The following PCDHA8 variants were observed in gnomAD, a reference collection of about 807,000 sequenced individuals.
The protein encoded by PCDHA8 is protocadherin alpha 8.
Under a neutral mutation model 61.8 loss-of-function variants are expected in PCDHA8, and 53 were observed. That is an observed-to-expected ratio of 0.86 (90% CI 0.69 to 1.08). The LOEUF (loss-of-function observed/expected upper bound fraction) is 1.08, where lower values mean the gene tolerates loss of function less well. Among genes scored for constraint, PCDHA8 ranks in the 50% least tolerant of loss-of-function variants. PCDHA8 has a pLI of 0.00. For synonymous variants in PCDHA8, 618 were observed against 556.6 expected (o/e 1.11, Z -1.55); for missense variants, 1,293 against 1,245.0 (o/e 1.04, Z -0.58).
chr5:141,000,389 C>A (rs868958582), intron 3 of PCDHA8, among the ~76,000 whole-genome samples: 168 of 62,538 alleles, frequency 2.7e-3, no homozygotes, highest in Non-Finnish European at 3.7e-3. Flanking sequence ...CTCTCTCTCT[C>A]TCTCTCTATA....
chr5:140,843,360 C>T lies in PCDHA8; in HGVS notation c.2039C>T (p.Ser680Leu), dbSNP rs2150358233. ...AGCGGCCAGGCTCCAAAAGCGTCAT[C>T]GAGGCAGTCGGCTGGCGTTTTGGGT... is the stretch of plus-strand genomic sequence containing the variant. ...VESGQAPKAS[S>L]RQSAGVLGPE... Residue 680 changes from serine to leucine, a missense_variant, in exon 1 of 4, where the codon TCG becomes TTG. Transcript: ENST00000531613. 3.1e-6 allele frequency: 5 copies of T among 1,595,970 alleles called. No individual in the cohort carries two copies. Among genetic ancestry groups the T allele is most frequent in the East Asian group, 2.2e-5 (1 of 44,828 alleles).
At chr5:140,948,773 G>A (rs991446033) in intron 1 of PCDHA8, among the ~76,000 whole-genome samples, 12 of 151,352 alleles carry the variant, frequency 7.9e-5, no homozygotes, top group Non-Finnish European at 1.6e-4. Context: ...CGAATAGCCA[G>A]CTTTTGGCTT....
intron 3 of PCDHA8, among the ~76,000 whole-genome samples, chr5:141,002,270 G>T (rs1304168184): frequency 6.6e-6 from 1 of 152,172 alleles, no homozygotes; most frequent in Non-Finnish European, 1.5e-5. Context: ...CCCAGAGCTG[G>T]TAACAAAGGG....
At chr5:140,931,947 T>C (rs782000891) in intron 1 of PCDHA8, among the ~76,000 whole-genome samples, 1 of 151,972 alleles carries the variant, frequency 6.6e-6, no homozygotes, top group Non-Finnish European at 1.5e-5. Context: ...GTCTGAGTCT[T>C]ACAGAATCAT....
rs562713934 is a variant in PCDHA8, at chr5:140,967,172, G to A, written c.2395-11777G>A. 1.1e-5 allele frequency: 17 copies of A among 1,612,080 alleles called. No individual in the cohort carries two copies. The highest frequency in any genetic ancestry group is 2.2e-5 in the East Asian group (1 of 44,778). On this transcript the variant is annotated intron_variant, in intron 1 of 3. Coordinates refer to ENST00000531613, the MANE Select transcript of PCDHA8 (RefSeq NM_018911.3). ...CCCCGTGGCGGTGAGCGCCGTTGAG[G>A]TGGAAATATTGGACATCAACGACAA...
intron 3 of PCDHA8, among the ~76,000 whole-genome samples, chr5:140,999,452 G>A (rs141442204): frequency 6.4e-4 from 97 of 152,234 alleles, no homozygotes; most frequent in African/African-American, 2.1e-3. Flanking sequence ...TTCGTTCAAC[G>A]AATAAGTGGT....
chr5:140,887,025 T>G (rs1352119867), intron 1 of PCDHA8, among the ~76,000 whole-genome samples: 3 of 152,076 alleles, frequency 2.0e-5, no homozygotes, highest in Non-Finnish European at 4.4e-5. Context: ...CCTGAAAAAT[T>G]TCTTTAATAT....
intron 1 of PCDHA8, among the ~76,000 whole-genome samples, chr5:140,937,621 GAAAA>G (rs1276369305): frequency 1.4e-5 from 2 of 142,038 alleles, no homozygotes; most frequent in Non-Finnish European, 3.1e-5. Context: ...CATCTAAAAA[GAAAA>G]AGAAAGGCAG....
chr5:140,966,924 C>T (rs1554228895), intron 1 of PCDHA8: 2 of 1,602,624 alleles, frequency 1.2e-6, no homozygotes, highest in Admixed American at 1.7e-5. Context: ...GAGGAGCAGG[C>T]ACCCGGCGCG....
At chr5:140,905,036 T>A (rs2071554831) in intron 1 of PCDHA8, among the ~76,000 whole-genome samples, 1 of 152,222 alleles carries the variant, frequency 6.6e-6, no homozygotes, top group Non-Finnish European at 1.5e-5. Flanking sequence ...AGCTTTTTAG[T>A]TTAATTAGGT....
chr5:140,973,178 G>A (rs188308697), intron 1 of PCDHA8, among the ~76,000 whole-genome samples: 1 of 152,282 alleles, frequency 6.6e-6, no homozygotes, highest in Admixed American at 6.5e-5. Flanking sequence ...CAAACCTTCA[G>A]TTATTTCTGC....
intron 1 of PCDHA8, chr5:140,870,192 G>C: frequency 1.9e-6 from 3 of 1,614,158 alleles, no homozygotes; most frequent in Non-Finnish European, 2.5e-6. Context: ...AGGACGCTCA[G>C]CCCAGCACGG....
intron 1 of PCDHA8, among the ~76,000 whole-genome samples, chr5:140,916,847 C>T (rs1276107761): frequency 1.3e-5 from 2 of 152,116 alleles, no homozygotes; most frequent in Non-Finnish European, 2.9e-5. Flanking sequence ...GAGCCCAGCC[C>T]AGCACTAGGA....
intron 1 of PCDHA8, among the ~76,000 whole-genome samples, chr5:140,931,054 G>A (rs2087273007): frequency 6.6e-6 from 1 of 152,180 alleles, no homozygotes; most frequent in Admixed American, 6.5e-5. Context: ...CTTCAATGCT[G>A]TGTCTGGGAC....
chr5:140,850,918 A>G (rs2150502117), intron 1 of PCDHA8: 3 of 1,529,350 alleles, frequency 2.0e-6, no homozygotes, highest in Non-Finnish European at 2.6e-6. Context: ...TTATTTATTT[A>G]TATAATTTTT....
In PCDHA8 at chr5:140,927,655, G is replaced by C. The variant is rs782653279; in HGVS notation, c.2395-51294G>C. On this transcript the variant is annotated intron_variant, in intron 1 of 3. Transcript: ENST00000531613. Reference sequence around the variant, plus strand: ...ACCCAATGGGACTGTGTTATTCCGAGTTCAAGCCTTGGATCCAGATGAAGG... The same window carrying C: ...ACCCAATGGGACTGTGTTATTCCGACTTCAAGCCTTGGATCCAGATGAAGG... The C allele has an allele frequency of 1.2e-5, 20 of 1,614,130 alleles. No individual in the cohort carries two copies. In the Admixed American group the frequency reaches 2.3e-4, roughly 19 times the overall value.
intron 1 of PCDHA8, chr5:140,875,431 T>C (rs1554167634): frequency 1.3e-6 from 2 of 1,558,558 alleles, no homozygotes. Context: ...AAGCGATCCC[T>C]TAAAACTGAT....
At chr5:140,884,396 C>G in intron 1 of PCDHA8, 1 of 1,614,012 alleles carries the variant, frequency 6.2e-7, no homozygotes, top group Non-Finnish European at 8.5e-7. Flanking sequence ...GGTGTCCAGC[C>G]TGTTGGTGCT....
chr5:140,896,256 C>T (rs1335099704), intron 1 of PCDHA8, among the ~76,000 whole-genome samples: 3 of 152,192 alleles, frequency 2.0e-5, no homozygotes, highest in Non-Finnish European at 4.4e-5. Flanking sequence ...TGGTTATGTA[C>T]ACAGTTATGG....
Sources: allele counts gnomAD v4.1 joint callset (sites outside exome capture counted in the v4.1 genomes callset), GRCh38; gene constraint gnomAD v4.1.1; transcripts MANE v1.5; gene names NCBI Gene and HGNC (gene_info 2026-07-23, HGNC 2026-07-21).